The following GLIS1 variants were observed in gnomAD, a reference collection of about 807,000 sequenced individuals.
GLIS1 encodes the protein GLIS family zinc finger 1.
GLIS1 carries 24 observed loss-of-function variants against 63.8 expected under a neutral mutation model. The observed-to-expected ratio is 0.38, with a 90% CI of 0.27 to 0.53. The LOEUF (loss-of-function observed/expected upper bound fraction) is 0.53, where lower values mean the gene tolerates loss of function less well. GLIS1 is among the 20% of genes least tolerant of loss of function. GLIS1 has a pLI of 0.85. For synonymous variants in GLIS1, 450 were observed against 482.5 expected (o/e 0.93, Z 0.88); for missense variants, 1,036 against 1,074.1 (o/e 0.96, Z 0.50).
chr1:53,575,073 T>C (rs562098294), intron 4 of GLIS1, among the ~76,000 whole-genome samples: 6 of 152,256 alleles, frequency 3.9e-5, no homozygotes, highest in African/African-American at 1.4e-4. Flanking sequence ...TATATAAATC[T>C]GGAGAAAAGG....
intron 4 of GLIS1, among the ~76,000 whole-genome samples, chr1:53,556,154 A>G (rs1423799919): frequency 3.4e-5 from 4 of 119,024 alleles, no homozygotes; most frequent in Admixed American, 1.9e-4. Flanking sequence ...GGTGTACTGC[A>G]GCTGTGTGTG....
chr1:53,553,148 T>G (rs181922071), intron 4 of GLIS1, among the ~76,000 whole-genome samples: 46 of 152,212 alleles, frequency 3.0e-4, no homozygotes, highest in Non-Finnish European at 5.9e-4. Flanking sequence ...CCCATCCCCA[T>G]CAGCCTTGGC....
chr1:53,511,562 C>A lies in GLIS1; in HGVS notation c.1884-1535G>T, dbSNP rs1027995935. On this transcript the variant is annotated intron_variant, in intron 8 of 10. Coordinates refer to ENST00000628545, the MANE Select transcript of GLIS1 (RefSeq NM_001367484.1). This position sits in a 1 kb window ranked among gnomAD's most constrained non-coding sequence, Gnocchi z 4.2. ...CCTCGGTGCTGGGTCCCTGGCCCGGCCACTGATACACTGTGGGTCCCTGTC... is the reference window on the plus strand; with the variant it reads ...CCTCGGTGCTGGGTCCCTGGCCCGGACACTGATACACTGTGGGTCCCTGTC... Among the ~76,000 whole-genome samples the A allele has an allele frequency of 1.3e-5, 2 of 152,274 alleles. No homozygotes were observed. Among genetic ancestry groups the A allele is most frequent in the Middle Eastern group, 6.8e-3 (2 of 294 alleles).
At chr1:53,576,870 T>G (rs567952265) in intron 4 of GLIS1, among the ~76,000 whole-genome samples, 3 of 152,232 alleles carry the variant, frequency 2.0e-5, no homozygotes, top group Admixed American at 2.0e-4. Context: ...CCCCCTCGGC[T>G]GCTTTCAAAC....
At chr1:53,596,595 T>C (rs1645257477) in intron 3 of GLIS1, among the ~76,000 whole-genome samples, 1 of 152,156 alleles carries the variant, frequency 6.6e-6, no homozygotes, top group South Asian at 2.1e-4. Context: ...GGAGCTCTTA[T>C]CGCCATTCAC....
Position 53,729,456 on chromosome 1 carries a change from C to T in GLIS1, c.259+8350G>A, listed in dbSNP as rs116753778. ...ATCTGGCTGGGGTTGACGGGGGGTACGGAGGGAGGAGACAAGCAGGCGGGA... is the reference window on the plus strand; with the variant it reads ...ATCTGGCTGGGGTTGACGGGGGGTATGGAGGGAGGAGACAAGCAGGCGGGA... On this transcript the variant is annotated intron_variant, in intron 2 of 10. Transcript: ENST00000628545. Among the ~76,000 whole-genome samples the T allele has an allele frequency of 5.8e-3, 877 of 152,052 alleles. 9 individuals carry two copies. The highest frequency in any genetic ancestry group is 0.02 in the African/African-American group (832 of 41,448).
chr1:53,603,199 G>C (rs1557475813), intron 2 of GLIS1, among the ~76,000 whole-genome samples: 1 of 152,206 alleles, frequency 6.6e-6, no homozygotes, highest in Admixed American at 6.5e-5. Flanking sequence ...CGCCACTCAA[G>C]TCATAGTATG....
At chr1:53,570,150 C>T (rs1207294132) in intron 4 of GLIS1, among the ~76,000 whole-genome samples, 1 of 151,998 alleles carries the variant, frequency 6.6e-6, no homozygotes, top group Non-Finnish European at 1.5e-5. Context: ...CTTACTCCAT[C>T]ACCCAGGCTG....
intron 4 of GLIS1, among the ~76,000 whole-genome samples, chr1:53,559,621 C>T (rs1315145623): frequency 2.6e-5 from 4 of 152,178 alleles, no homozygotes; most frequent in African/African-American, 7.2e-5. Flanking sequence ...CGAGCCCAGC[C>T]GCTGCAATGC....
intron 4 of GLIS1, among the ~76,000 whole-genome samples, chr1:53,583,201 A>G (rs982886183): frequency 1.3e-5 from 2 of 152,172 alleles, no homozygotes; most frequent in African/African-American, 2.4e-5. Flanking sequence ...CACTCTGTGC[A>G]TTTCAGTGAC....
chr1:53,598,987 A>T lies in GLIS1; in HGVS notation c.437+1114T>A, dbSNP rs1370607435. 6.6e-6 allele frequency among the ~76,000 whole-genome samples: 1 copy of T among 152,158 alleles called. No homozygotes were observed. On this transcript the variant is annotated intron_variant, in intron 3 of 10. Coordinates refer to ENST00000628545, the MANE Select transcript of GLIS1 (RefSeq NM_001367484.1). This position sits in a 1 kb window ranked among gnomAD's most constrained non-coding sequence, Gnocchi z 4.6. ...CCTGGCACATGACAGGCACTTGACA[A>T]ATGGCTGGTGAAGGAATAAACTGCA... is the stretch of plus-strand genomic sequence containing the variant.
At chr1:53,549,569 T>C (rs1384972174) in intron 4 of GLIS1, among the ~76,000 whole-genome samples, 1 of 152,254 alleles carries the variant, frequency 6.6e-6, no homozygotes, top group Non-Finnish European at 1.5e-5. Flanking sequence ...CTGTATCTCT[T>C]CTTTGGAGAA....
chr1:53,657,240 G>A (rs561340199), intron 2 of GLIS1, among the ~76,000 whole-genome samples: 32 of 152,156 alleles, frequency 2.1e-4, no homozygotes, highest in Non-Finnish European at 4.7e-4. Flanking sequence ...CAGTGGTTGA[G>A]GGGTATGCTA....
intron 2 of GLIS1, among the ~76,000 whole-genome samples, chr1:53,693,792 G>A (rs1646434271): frequency 6.6e-6 from 1 of 152,238 alleles, no homozygotes. Flanking sequence ...CTGAGCCTCA[G>A]TGCCCCCACC....
chr1:53,633,958 T>C (rs966278529), intron 2 of GLIS1, among the ~76,000 whole-genome samples: 1 of 151,414 alleles, frequency 6.6e-6, no homozygotes, highest in Non-Finnish European at 1.5e-5. Context: ...CAGCCAAGAG[T>C]GGGTGAAGTA....
chr1:53,649,338 G>A (rs1014546262), intron 2 of GLIS1, among the ~76,000 whole-genome samples: 4 of 152,264 alleles, frequency 2.6e-5, no homozygotes, highest in South Asian at 2.1e-4. Flanking sequence ...TGTTCTGTAC[G>A]ACTGCAGCTA....
At chr1:53,516,288 T>G (rs1644351886) in intron 7 of GLIS1, among the ~76,000 whole-genome samples, 1 of 152,170 alleles carries the variant, frequency 6.6e-6, no homozygotes, top group Non-Finnish European at 1.5e-5. Context: ...GGGAAACTTT[T>G]ACCTTCTCAG....
At chr1:53,634,545 C>T (rs1426558759) in intron 2 of GLIS1, among the ~76,000 whole-genome samples, 1 of 152,064 alleles carries the variant, frequency 6.6e-6, no homozygotes, top group Non-Finnish European at 1.5e-5. Context: ...CTGAGAATTG[C>T]CCAATGTGAG....
At position 53,555,921 on chromosome 1, in the gene GLIS1, G is replaced by A. The variant is rs529117935; in HGVS notation, c.1321-25969C>T. 7.2e-5 allele frequency among the ~76,000 whole-genome samples: 10 copies of A among 138,050 alleles called. No homozygotes were observed. In the East Asian group the frequency reaches 1.8e-3, roughly 25 times the overall value. 90.6% of individuals were successfully genotyped at this position (138,050 alleles called of 152,430 possible). On this transcript the variant is annotated intron_variant, in intron 4 of 10. Coordinates refer to ENST00000628545, the MANE Select transcript of GLIS1 (RefSeq NM_001367484.1). Reference sequence around the variant, plus strand: ...AGGTGTACTGCAGGTGTGTGTGTGCGGTGTATTGCAGGTGTGTGTGCAGGT... The same window carrying A: ...AGGTGTACTGCAGGTGTGTGTGTGCAGTGTATTGCAGGTGTGTGTGCAGGT...
Sources: allele counts gnomAD v4.1 joint callset (sites outside exome capture counted in the v4.1 genomes callset), GRCh38; gene constraint gnomAD v4.1.1; non-coding constraint Gnocchi (gnomAD v3.1); transcripts MANE v1.5; gene names NCBI Gene and HGNC (gene_info 2026-07-23, HGNC 2026-07-21).